The following UBE3C variants were observed in gnomAD, a reference collection of about 807,000 sequenced individuals.
UBE3C encodes the protein ubiquitin protein ligase E3C.
In UBE3C, 42 loss-of-function variants were observed where a neutral mutation model predicts 129.4. The observed-to-expected ratio is 0.32, with a 90% CI of 0.25 to 0.42. The LOEUF (loss-of-function observed/expected upper bound fraction) is 0.42. Among genes scored for constraint, UBE3C ranks in the 10% least tolerant of loss-of-function variants. The pLI is 1.00. For synonymous variants in UBE3C, 510 were observed against 492.4 expected (o/e 1.04, Z -0.47); for missense variants, 1,049 against 1,319.1 (o/e 0.80, Z 3.17).
At position 157,268,185 on chromosome 7, in the gene UBE3C, C is replaced by T. The variant is rs1039254040; in HGVS notation, c.*430C>T. 5 of 154,672 alleles carry T rather than the reference C, an allele frequency of 3.2e-5. No individual in the cohort carries two copies. Among genetic ancestry groups the T allele is most frequent in the South Asian group, 2.1e-4 (1 of 4,866 alleles). 9.6% of individuals were successfully genotyped at this position (154,672 alleles called of 1,614,324 possible). On this transcript the variant is annotated 3_prime_UTR_variant, in exon 23 of 23. Transcript: ENST00000348165. ...TCTGAGGGCTGAGACGCCATGGGGC[C>T]GCTGCTGCTTATGTGGTTGGATTGT...
intron 4 of UBE3C, among the ~76,000 whole-genome samples, chr7:157,171,879 G>A (rs1337539366): frequency 6.7e-6 from 1 of 149,214 alleles, no homozygotes; most frequent in African/African-American, 2.5e-5. Context: ...GCTAATTTTT[G>A]TATTTTTAGT....
chr7:157,267,797 C>T lies in UBE3C; in HGVS notation c.*42C>T. 6.6e-7 allele frequency: 1 copy of T among 1,509,966 alleles called. No homozygotes were observed. The highest frequency in any genetic ancestry group is 1.4e-5 in the South Asian group (1 of 73,568). The allele number at this position is 1,509,966 out of a possible 1,614,324, so 93.5% of individuals were successfully genotyped here. A position where few individuals can be genotyped will look rare whatever the true frequency, so the allele number is the denominator to read the frequency against. On this transcript the variant is annotated 3_prime_UTR_variant, in exon 23 of 23. Coordinates refer to ENST00000348165, the MANE Select transcript of UBE3C (RefSeq NM_014671.3). ...AGACCCCTACAGAGAACCAGTGCTT[C>T]CTTCGTCAGCAGCGCCTCCCCAGAC...
chr7:157,154,149 C>T (rs1445498195), intron 1 of UBE3C, among the ~76,000 whole-genome samples: 1 of 151,960 alleles, frequency 6.6e-6, no homozygotes, highest in Admixed American at 6.6e-5. Context: ...GGTGAAATCC[C>T]GTCTCTACTA....
chr7:157,214,183 T>A (rs1274936905), intron 13 of UBE3C, among the ~76,000 whole-genome samples: 2 of 152,298 alleles, frequency 1.3e-5, no homozygotes, highest in Non-Finnish European at 2.9e-5. Context: ...TGTGATTACT[T>A]CTTTTTTCAT....
intron 1 of UBE3C, among the ~76,000 whole-genome samples, chr7:157,163,152 G>A (rs1217523769): frequency 6.6e-6 from 1 of 152,004 alleles, no homozygotes; most frequent in African/African-American, 2.4e-5. Context: ...TTGGGAGGCC[G>A]AGGCGGGTGG....
chr7:157,141,593 A>G (rs1807451742), intron 1 of UBE3C, among the ~76,000 whole-genome samples: 1 of 152,242 alleles, frequency 6.6e-6, no homozygotes, highest in Non-Finnish European at 1.5e-5. Flanking sequence ...AAACGTAGAT[A>G]CAGTAAAAAT....
intron 9 of UBE3C, among the ~76,000 whole-genome samples, chr7:157,184,748 G>A (rs1370237874): frequency 4.6e-5 from 7 of 152,232 alleles, no homozygotes; most frequent in Non-Finnish European, 8.8e-5. Flanking sequence ...GGGTGTGTCA[G>A]TGCAGTGCTG....
chr7:157,182,038 T>G (rs1808678083), intron 7 of UBE3C, 70 bp from the exon 8 acceptor site: 1 of 1,411,650 alleles, frequency 7.1e-7, no homozygotes, highest in Non-Finnish European at 9.5e-7. Flanking sequence ...TTTTGAAAGG[T>G]GATTTTAATC....
intron 22 of UBE3C, among the ~76,000 whole-genome samples, chr7:157,258,813 CG>C (rs1265044193): frequency 2.6e-5 from 4 of 152,194 alleles, no homozygotes; most frequent in Admixed American, 2.0e-4. Context: ...CTTTTTACTT[CG>C]AAACTATTTT....
chr7:157,261,325 A>G (rs1313837635), intron 22 of UBE3C, among the ~76,000 whole-genome samples: 2 of 128,770 alleles, frequency 1.6e-5, no homozygotes, highest in South Asian at 2.2e-4. Context: ...AAAAAAAAAA[A>G]AAAAAAAAAA....
At chr7:157,164,869 C>T (rs946524907) in intron 2 of UBE3C, among the ~76,000 whole-genome samples, 3 of 152,042 alleles carry the variant, frequency 2.0e-5, no homozygotes, top group African/African-American at 7.2e-5. Context: ...CTGGAAGGGC[C>T]TATATTAGAG....
chr7:157,175,258 C>T (rs753458978), intron 5 of UBE3C, among the ~76,000 whole-genome samples: 2 of 147,044 alleles, frequency 1.4e-5, no homozygotes, highest in Non-Finnish European at 3.0e-5. Context: ...TTTCAGATGA[C>T]TTTTTCTTTC....
intron 9 of UBE3C, among the ~76,000 whole-genome samples, chr7:157,184,739 G>A (rs1247298295): frequency 6.6e-6 from 1 of 152,146 alleles, no homozygotes; most frequent in Admixed American, 6.5e-5. Context: ...TTGTGAAGTG[G>A]GTGTGTCAGT....
At position 157,257,742 on chromosome 7, in the gene UBE3C, CA is replaced by C. The variant is rs11436417; in HGVS notation, c.3081+719del. 2.8e-4 allele frequency among the ~76,000 whole-genome samples: 27 copies of C among 95,500 alleles called. 1 individual carries two copies. In the South Asian group the frequency reaches 7.5e-3, roughly 27 times the overall value. The allele number at this position is 95,500 out of a possible 152,430, so 62.7% of individuals were successfully genotyped here. ...GGGTGACAGAGTGAGACCCTGTCTCCAAAAAAAAAAAAAAAAAAAAATTGCC... is the reference window on the plus strand; with the variant it reads ...GGGTGACAGAGTGAGACCCTGTCTCCAAAAAAAAAAAAAAAAAAAATTGCC... On this transcript the variant is annotated intron_variant, in intron 22 of 22. Coordinates refer to ENST00000348165, the MANE Select transcript of UBE3C (RefSeq NM_014671.3).
chr7:157,219,415 T>C (rs1795674854), intron 14 of UBE3C, among the ~76,000 whole-genome samples: 1 of 152,184 alleles, frequency 6.6e-6, no homozygotes, highest in Non-Finnish European at 1.5e-5. Context: ...CTCTCAGTGA[T>C]CGAGCATCCC....
chr7:157,233,993 T>A (rs1362724729), intron 18 of UBE3C, among the ~76,000 whole-genome samples: 8 of 152,256 alleles, frequency 5.3e-5, no homozygotes, highest in African/African-American at 1.9e-4. Flanking sequence ...TTGAGAAATG[T>A]CTATTCAAGT....
chr7:157,249,726 G>C (rs888086169), intron 19 of UBE3C, among the ~76,000 whole-genome samples: 2 of 152,168 alleles, frequency 1.3e-5, no homozygotes, highest in African/African-American at 4.8e-5. Flanking sequence ...GGTCTTTACT[G>C]GTTGATGGAC....
At chr7:157,237,334 A>G (rs977127920) in intron 18 of UBE3C, among the ~76,000 whole-genome samples, 1 of 151,776 alleles carries the variant, frequency 6.6e-6, no homozygotes, top group African/African-American at 2.4e-5. Flanking sequence ...CCAGCTACTC[A>G]GGAGGCTGAG....
rs529008923 is a variant in UBE3C, at chr7:157,184,227, A to G, written c.1143+198A>G. On this transcript the variant is annotated intron_variant, in intron 9 of 22. Coordinates refer to ENST00000348165, the MANE Select transcript of UBE3C (RefSeq NM_014671.3). The stretch of plus-strand genomic sequence containing the variant: ...CACCGCTTTGTTAGCACGTTCATGG[A>G]AGTGTAAATGGAGACACATAGCTTT... 1.8e-4 allele frequency among the ~76,000 whole-genome samples: 27 copies of G among 152,294 alleles called. 1 individual carries two copies. In the South Asian group the frequency reaches 5.6e-3, roughly 32 times the overall value.
Sources: gnomAD v4.1 joint callset for allele counts (sites outside exome capture counted in the v4.1 genomes callset) on GRCh38, gnomAD v4.1.1 for gene constraint, MANE v1.5 for transcripts, NCBI Gene and HGNC (gene_info 2026-07-23, HGNC 2026-07-21) for gene names.